The following ACAD9 variants were observed in gnomAD, a reference collection of about 807,000 sequenced individuals.
The protein encoded by ACAD9 is acyl-CoA dehydrogenase family member 9, also known as complex I assembly factor ACAD9, mitochondrial.
ACAD9 carries 53 observed loss-of-function variants against 70.2 expected under a neutral mutation model. The ratio of observed to expected loss-of-function variants is 0.75; its 90% CI spans 0.61 to 0.95. The LOEUF is 0.95. Ranked by LOEUF, ACAD9 falls within the 40% of genes least tolerant of loss-of-function variation. The pLI is 0.00. For missense variants in ACAD9, 777 were observed against 802.8 expected, an observed-to-expected ratio of 0.97 and a Z score of 0.39; for synonymous variants, 313 against 312.1, an observed-to-expected ratio of 1.00 and a Z score of -0.03.
intron 5 of ACAD9, 74 bp from the exon 6 acceptor site, chr3:128,897,558 C>A (rs769304010): frequency 6.4e-6 from 9 of 1,415,542 alleles, no homozygotes; most frequent in Non-Finnish European, 5.9e-6. Flanking sequence ...CTAAAACCTC[C>A]ATTTTCAGGC....
At chr3:128,895,267 A>G in intron 3 of ACAD9, 43 bp from the exon 4 acceptor site, 1 of 1,492,696 alleles carries the variant, frequency 6.7e-7, no homozygotes, top group Admixed American at 1.8e-5. Flanking sequence ...AATGGGAGGA[A>G]TCTAGGGCTG....
intron 2 of ACAD9, among the ~76,000 whole-genome samples, chr3:128,888,733 A>G (rs1935326926): frequency 6.6e-6 from 1 of 152,162 alleles, no homozygotes; most frequent in South Asian, 2.1e-4. Flanking sequence ...CACAAATTAT[A>G]TGTTGCTAGT....
rs1280657941 is a variant in ACAD9, at chr3:128,902,594, C to T, written c.924C>T (p.Gly308=). 6.2e-7 allele frequency: 1 copy of T among 1,614,178 alleles called. No individual in the cohort carries two copies. Among genetic ancestry groups the T allele is most frequent in the Non-Finnish European group, 8.5e-7 (1 of 1,180,018 alleles). ...NILNSGRFSM[G]SVVAGLLKRL... ...TCAACAGCGGCCGGTTCAGCATGGG[C>T]AGCGTCGTGGCTGGGCTGCTCAAGA... Residue 308 remains glycine, a synonymous_variant, in exon 9 of 18, where the codon GGC becomes GGT. Coordinates refer to ENST00000308982, the MANE Select transcript of ACAD9 (RefSeq NM_014049.5). This position sits in a 1 kb window ranked among gnomAD's most constrained non-coding sequence, Gnocchi z 4.0.
chr3:128,903,353 C>T (rs538114193), intron 9 of ACAD9, among the ~76,000 whole-genome samples: 20 of 152,310 alleles, frequency 1.3e-4, no homozygotes, highest in Admixed American at 2.6e-4. Flanking sequence ...GACTGTGCTC[C>T]TGGACCCAAA....
At chr3:128,879,995 A>G (rs1234933170) in intron 1 of ACAD9, 154 bp downstream of exon 1, 2 of 1,550,722 alleles carry the variant, frequency 1.3e-6, no homozygotes, top group Non-Finnish European at 1.7e-6. Flanking sequence ...CCTGAGTTCC[A>G]GGAAAACCTT....
intron 5 of ACAD9, 42 bp from the exon 6 acceptor site, chr3:128,897,590 T>C (rs1427566492): frequency 1.3e-6 from 2 of 1,579,140 alleles, no homozygotes; most frequent in Non-Finnish European, 8.7e-7. Flanking sequence ...TTCATATTTA[T>C]TCCCAGTATT....
chr3:128,906,614 C>G (rs1218882662), intron 12 of ACAD9, among the ~76,000 whole-genome samples: 1 of 152,170 alleles, frequency 6.6e-6, no homozygotes, highest in Non-Finnish European at 1.5e-5. Flanking sequence ...GCGCTCCTGG[C>G]CCCTAGGGGC....
intron 1 of ACAD9, among the ~76,000 whole-genome samples, chr3:128,881,768 G>C (rs895243541): frequency 1.3e-5 from 2 of 152,174 alleles, no homozygotes; most frequent in Non-Finnish European, 2.9e-5. Flanking sequence ...GCCATTCTCT[G>C]AATGTTCTAA....
At chr3:128,908,387 C>A in intron 13 of ACAD9, 123 bp downstream of exon 13, 1 of 1,204,294 alleles carries the variant, frequency 8.3e-7, no homozygotes, top group Non-Finnish European at 1.2e-6. Context: ...GTGGCGCAGC[C>A]TTGTGGAGGG....
chr3:128,881,437 T>C (rs185621804), intron 1 of ACAD9, among the ~76,000 whole-genome samples: 1 of 152,302 alleles, frequency 6.6e-6, no homozygotes, highest in Non-Finnish European at 1.5e-5. Flanking sequence ...TATGTGCCGG[T>C]ATTATCTACA....
intron 7 of ACAD9, among the ~76,000 whole-genome samples, chr3:128,900,993 ATAT>A (rs1247485169): frequency 6.6e-6 from 1 of 152,172 alleles, no homozygotes; most frequent in Non-Finnish European, 1.5e-5. Flanking sequence ...CTTAATAAAA[ATAT>A]TATTATCCAC....
intron 10 of ACAD9, 103 bp from the exon 11 acceptor site, chr3:128,904,283 C>T: frequency 3.1e-6 from 5 of 1,605,254 alleles, no homozygotes; most frequent in Non-Finnish European, 3.4e-6. Context: ...GCTTGCTTCT[C>T]TTGGGCATTG....
chr3:128,898,335 G>GT (rs369314116), intron 6 of ACAD9: 125 of 425,668 alleles, frequency 2.9e-4, no homozygotes, highest in African/African-American at 1.7e-3. Flanking sequence ...AAAGACAGGA[G>GT]TTTTTTTTGT....
In ACAD9 at chr3:128,904,366, GT is replaced by G; in HGVS notation, c.1030-14del. ...TCAGCACATGCAAATTGTTTCTTGT[GT>G]TTTTTCTGAACACTCCAGGAGAAAT... On this transcript the variant is annotated intron_variant, in intron 10 of 17. Coordinates refer to ENST00000308982, the MANE Select transcript of ACAD9 (RefSeq NM_014049.5). The G allele has an allele frequency of 6.2e-7, 1 of 1,614,200 alleles. No homozygotes were observed. Among genetic ancestry groups the G allele is most frequent in the Non-Finnish European group, 8.5e-7 (1 of 1,180,054 alleles).
At chr3:128,894,045 T>TA (rs1309730960) in intron 3 of ACAD9, among the ~76,000 whole-genome samples, 4 of 152,156 alleles carry the variant, frequency 2.6e-5, no homozygotes, top group Non-Finnish European at 4.4e-5. Context: ...TTGCCTCCCT[T>TA]ACGCTTTTTC....
At chr3:128,907,340 G>T (rs1045134293) in intron 12 of ACAD9, among the ~76,000 whole-genome samples, 1 of 152,168 alleles carries the variant, frequency 6.6e-6, no homozygotes, top group Non-Finnish European at 1.5e-5. Flanking sequence ...AGTGGTCTCA[G>T]CCCTGCAAAG....
intron 2 of ACAD9, among the ~76,000 whole-genome samples, chr3:128,889,843 A>T (rs183239307): frequency 6.6e-6 from 1 of 152,080 alleles, no homozygotes; most frequent in Non-Finnish European, 1.5e-5. Context: ...TTTTTAAGAG[A>T]CAGGGTCTTT....
rs748057690 is a variant in ACAD9 at position 128,902,678 on chromosome 3, G to A, written c.958+50G>A. On this transcript the variant is annotated intron_variant, in intron 9 of 17. Coordinates refer to ENST00000308982, the MANE Select transcript of ACAD9 (RefSeq NM_014049.5). The surrounding 1 kb of genome is among the most constrained non-coding windows in gnomAD (Gnocchi z 4.0). Reference sequence around the variant, plus strand: ...TTTGTGCCCCACCCCCTGCTGCCCCGGCTCCAACCCTGGAGGCTCTGCCAT... The same window carrying A: ...TTTGTGCCCCACCCCCTGCTGCCCCAGCTCCAACCCTGGAGGCTCTGCCAT... The A allele has an allele frequency of 1.5e-5, 24 of 1,594,302 alleles. No individual in the cohort carries two copies. The highest frequency in any genetic ancestry group is 8.5e-5 in the Admixed American group (5 of 58,840).
At chr3:128,889,945 C>G (rs1935368079) in intron 2 of ACAD9, among the ~76,000 whole-genome samples, 1 of 152,106 alleles carries the variant, frequency 6.6e-6, no homozygotes, top group Non-Finnish European at 1.5e-5. Context: ...CCTCAGCCTC[C>G]CGCATAGCTA....
Sources: allele counts gnomAD v4.1 joint callset (sites outside exome capture counted in the v4.1 genomes callset), GRCh38; gene constraint gnomAD v4.1.1; non-coding constraint Gnocchi (gnomAD v3.1); transcripts MANE v1.5; gene names NCBI Gene and HGNC (gene_info 2026-07-23, HGNC 2026-07-21).